Variants in TTC3 observed in about 807,000 individuals in gnomAD.
TTC3 encodes E3 ubiquitin-protein ligase TTC3.
A neutral mutation model predicts 249.6 loss-of-function variants in TTC3; 180 were observed. The ratio of observed to expected loss-of-function variants is 0.72; its 90% CI spans 0.64 to 0.82. TTC3 has a LOEUF of 0.82. Among genes scored for constraint, TTC3 ranks in the 40% least tolerant of loss-of-function variants. The pLI, the probability that TTC3 is intolerant of heterozygous loss-of-function variation, is 0.00. For missense variants in TTC3, 2,061 were observed against 2,398.4 expected, an observed-to-expected ratio of 0.86 and a Z score of 2.94; for synonymous variants, 717 against 805.0, an observed-to-expected ratio of 0.89 and a Z score of 1.85.
chr21:37,144,618 TGAA>T (rs2078819909), exon 21 of TTC3: 1 of 1,611,358 alleles, frequency 6.2e-7, no homozygotes, highest in Non-Finnish European at 8.5e-7. Context: ...ATGTGATTAT[TGAA>T]GAGTCTCAGC....
chr21:37,124,519 A>G, intron 13 of TTC3, 100 bp from the exon 14 acceptor site: 1 of 1,276,886 alleles, frequency 7.8e-7, no homozygotes, highest in African/African-American at 1.5e-5. Flanking sequence ...AAACAATAAT[A>G]CCTTGCTTTC....
exon 44 of TTC3, chr21:37,198,007 A>T (rs760706871): frequency 1.2e-6 from 2 of 1,612,576 alleles, no homozygotes; most frequent in Non-Finnish European, 1.7e-6. Context: ...AGAAAGCAGA[A>T]GATGTCCCTG....
At chr21:37,093,903 G>T (rs2835595) in intron 7 of TTC3, 102 bp from the exon 8 acceptor site, 334,840 of 694,908 alleles carry the variant, frequency 0.48, 82,521 homozygotes, top group Non-Finnish European at 0.52. Context: ...ATATAGGACC[G>T]TTGTGGACTC....
intron 1 of TTC3, chr21:37,082,532 A>C (rs562993941): frequency 8.0e-5 from 79 of 985,220 alleles, no homozygotes; most frequent in Non-Finnish European, 8.3e-5. Flanking sequence ...TTGAGTTCCT[A>C]CATTTTGCTT....
intron 33 of TTC3, among the ~76,000 whole-genome samples, chr21:37,167,218 C>A (rs1168480840): frequency 3.3e-5 from 5 of 152,110 alleles, no homozygotes; most frequent in Non-Finnish European, 7.4e-5. Flanking sequence ...TGTATGAGTT[C>A]TTTCCTAACA....
At chr21:37,148,413 G>T in intron 22 of TTC3, 133 bp from the exon 23 acceptor site, 1 of 462,100 alleles carries the variant, frequency 2.2e-6, no homozygotes, top group Non-Finnish European at 3.9e-6. Context: ...GATATATTTT[G>T]AAGAATGATG....
At chr21:37,160,729 A>T (rs2080643353) in intron 29 of TTC3, 73 bp from the exon 30 acceptor site, 1 of 1,497,886 alleles carries the variant, frequency 6.7e-7, no homozygotes, top group South Asian at 1.2e-5. Context: ...GTAAAAACTC[A>T]TATGGTTTCT....
At position 37,172,762 on chromosome 21, in the gene TTC3, C is replaced by T. The variant is rs2081917713; in HGVS notation, c.4617+18C>T. On this transcript the variant is annotated intron_variant, in intron 35 of 45. Transcript: ENST00000355666. Reference sequence around the variant, plus strand: ...AAAACAAGGTAATCCTGTCTGAAACCTGTCTTTAATTGCATGTAGCATAGT... The same window carrying T: ...AAAACAAGGTAATCCTGTCTGAAACTTGTCTTTAATTGCATGTAGCATAGT... The T allele has an allele frequency of 5.6e-6, 9 of 1,612,246 alleles. No homozygotes were observed. The South Asian group carries it at 8.8e-5, about 16-fold the overall frequency.
exon 37 of TTC3, chr21:37,185,753 T>C: frequency 6.4e-7 from 1 of 1,554,686 alleles, no homozygotes; most frequent in South Asian, 1.3e-5. Flanking sequence ...GAATTACATC[T>C]GGATCAGTCC....
intron 24 of TTC3, 61 bp from the exon 25 acceptor site, chr21:37,150,759 T>C: frequency 9.2e-7 from 1 of 1,083,494 alleles, no homozygotes; most frequent in South Asian, 1.3e-5. Flanking sequence ...TTACTTGTGG[T>C]TTTGTGTTTT....
At chr21:37,156,725 G>A (rs1244284073) in exon 28 of TTC3, 1 of 1,613,922 alleles carries the variant, frequency 6.2e-7, no homozygotes, top group Non-Finnish European at 8.5e-7. Context: ...TTAGTATCAT[G>A]ACTTTCCTCT....
At chr21:37,091,314 G>A in exon 7 of TTC3, 3 of 1,610,414 alleles carry the variant, frequency 1.9e-6, no homozygotes, top group Non-Finnish European at 2.5e-6. Flanking sequence ...AATGGAAGAA[G>A]CTCTGAATTG....
At chr21:37,132,804 CT>C (rs761966404) in intron 17 of TTC3, 38 bp downstream of exon 17, 56 of 1,496,966 alleles carry the variant, frequency 3.7e-5, no homozygotes, top group Non-Finnish European at 3.4e-5. Flanking sequence ...AAGCAAAACT[CT>C]TTGAACAAAA....
At chr21:37,152,154 A>T (rs901856559) in intron 26 of TTC3, 125 bp downstream of exon 26, 1 of 1,120,430 alleles carries the variant, frequency 8.9e-7, no homozygotes, top group African/African-American at 1.6e-5. Context: ...TAGTAATTTA[A>T]TACTATCACT....
chr21:37,196,329 C>T (rs531186107), intron 42 of TTC3, among the ~76,000 whole-genome samples: 18 of 151,174 alleles, frequency 1.2e-4, no homozygotes, highest in Non-Finnish European at 1.6e-4. Context: ...CTCTCCCTCC[C>T]GAGTTCAAGC....
chr21:37,112,460 C>G (rs113735940), intron 11 of TTC3, among the ~76,000 whole-genome samples: 1 of 152,200 alleles, frequency 6.6e-6, no homozygotes, highest in East Asian at 1.9e-4. Context: ...ATAAATTCCT[C>G]GACACATACA....
chr21:37,188,594 C>T lies in TTC3; in HGVS notation c.5023C>T (p.Arg1675Cys), dbSNP rs762286080. The T allele has an allele frequency of 6.2e-6, 10 of 1,613,498 alleles. No homozygotes were observed. The East Asian group carries it at 6.7e-5, about 11-fold the overall frequency. Reference sequence around the variant, plus strand: ...TCTGAAGAAGCTGGGGCTGATTAGCCGGTATTGCAGTTTCGTGGGTGTTCT... The same window carrying T: ...TCTGAAGAAGCTGGGGCTGATTAGCTGGTATTGCAGTTTCGTGGGTGTTCT... Residue 1675 changes from arginine (R) to cysteine (C), a missense_variant and splice_region_variant, in exon 39 of 46, where the codon CGT (arginine) becomes TGT (cysteine). By Grantham distance (180) the Arg-to-Cys change is radical. Coordinates refer to ENST00000355666, the Ensembl canonical transcript of TTC3.
At position 37,088,857 on chromosome 21, in the gene TTC3, G is replaced by A. The variant is rs373953352; in HGVS notation, c.397G>A (p.Asp133Asn). The change falls in exon 5 of 46, where the codon GAT (aspartate) becomes AAT (asparagine). Residue 133 changes from aspartate (D) to asparagine (N), a missense_variant. By Grantham distance (23) the Asp-to-Asn change is conservative. Transcript: ENST00000355666. The stretch of plus-strand genomic sequence containing the variant: ...ACTACAACATCTTGAGTTGATGGAA[G>A]ATATTGTGGATTTGGCAAAGAAAGT... 1.9e-6 allele frequency: 3 copies of A among 1,613,712 alleles called. No individual in the cohort carries two copies. The African/African-American group carries it at 4.0e-5, about 22-fold the overall frequency.
chr21:37,200,290 G>T lies in TTC3; in HGVS notation c.5909G>T (p.Arg1970Leu), dbSNP rs142881819. Residue 1970 changes from arginine (R) to leucine (L), a missense_variant, in exon 45 of 46, where the codon CGT becomes CTT. Around this residue, in one of 3 missense-constraint regions of TTC3, gnomAD observed 1,040 missense variants for 1,186.1 expected, o/e 0.88. Coordinates refer to ENST00000355666, the Ensembl canonical transcript of TTC3. ...GAGGTGTTCAAATCAAAAAACGTGC[G>T]TGTGCTCAAATGTGGGCACAAGTAT... 7 of 1,614,090 alleles carry T rather than the reference G, an allele frequency of 4.3e-6. No homozygotes were observed. In the South Asian group the frequency reaches 7.7e-5, roughly 18 times the overall value.
Sources: gnomAD v4.1 joint callset for allele counts (sites outside exome capture counted in the v4.1 genomes callset) on GRCh38, gnomAD v4.1.1 for gene constraint, gnomAD v4.1.1 regional missense constraint, MANE v1.5 for transcripts, NCBI Gene and HGNC (gene_info 2026-07-23, HGNC 2026-07-21) for gene names.